CAST: variants seen among roughly 807,000 people sequenced by gnomAD.
CAST encodes the protein MIR583 host.
CAST carries 76 observed loss-of-function variants against 119.6 expected under a neutral mutation model. The observed-to-expected ratio is 0.64, with a 90% CI of 0.53 to 0.77. The LOEUF is 0.77. CAST is among the 30% of genes least tolerant of loss of function. The probability of loss-of-function intolerance (pLI) is 0.00; values close to 1 mark genes in which losing one functional copy is unlikely to be tolerated. For synonymous variants in CAST, 319 were observed against 331.6 expected (o/e 0.96, Z 0.41); for missense variants, 953 against 946.5 (o/e 1.01, Z -0.09).
At chr5:96,162,410 ATTGTTTGTTTGT>A in the CAST span, among the ~76,000 whole-genome samples, 10 of 151,902 alleles carry the variant, frequency 6.6e-5, no homozygotes, top group African/African-American at 2.4e-4. Flanking sequence ...GGGATGGTAT[ATTGTTTGTTTGT>A]TTGTTTGTTT....
At chr5:96,702,979 C>T (rs941864858) in intron 3 of CAST, 1 of 978,810 alleles carries the variant, frequency 1.0e-6, no homozygotes. Context: ...GGGCCTGTGC[C>T]CCCGGCTACC....
intron 2 of CAST, among the ~76,000 whole-genome samples, chr5:96,692,780 A>G (rs1752878886): frequency 6.6e-6 from 1 of 152,192 alleles, no homozygotes; most frequent in South Asian, 2.1e-4. Context: ...CTCTGAAGTC[A>G]TCTTGTTTTT....
chr5:96,304,522 C>T, the CAST span, among the ~76,000 whole-genome samples: 3 of 152,142 alleles, frequency 2.0e-5, 1 homozygote, highest in Admixed American at 1.3e-4. Context: ...GAAGTCTTTA[C>T]CCATGCCTAT....
chr5:96,555,691 A>T (rs998388027), intron 1 of CAST, among the ~76,000 whole-genome samples: 1 of 152,202 alleles, frequency 6.6e-6, no homozygotes, highest in African/African-American at 2.4e-5. Flanking sequence ...GGTGCCCGCC[A>T]TTGCCGAGGC....
intron 16 of CAST, 57 bp downstream of exon 16, chr5:96,742,813 A>T: frequency 8.7e-7 from 1 of 1,147,192 alleles, no homozygotes; most frequent in Non-Finnish European, 1.3e-6. Context: ...ACAAAACCGA[A>T]TGCACTCTGC....
At position 96,754,084 on chromosome 5, in the gene CAST, G is replaced by A. The variant is rs746892374; in HGVS notation, c.1549G>A (p.Val517Ile). Residue 517 changes from valine to isoleucine, a missense_variant, in exon 21 of 32, where the codon GTA becomes ATA. Transcript: ENST00000675179. ...GAAGGGCACAGTGCCAGATGATGCTGTAGAAGCCTTGGCTGATAGCCTGGG... is the reference window on the plus strand; with the variant it reads ...GAAGGGCACAGTGCCAGATGATGCTATAGAAGCCTTGGCTGATAGCCTGGG... ...TLKGTVPDDA[V>I]EALADSLGKK... 4 of 1,613,374 alleles carry A rather than the reference G, an allele frequency of 2.5e-6. No individual in the cohort carries two copies. The highest frequency in any genetic ancestry group is 2.2e-5 in the East Asian group (1 of 44,878).
At chr5:96,768,200 T>C (rs1476411990) in intron 29 of CAST, among the ~76,000 whole-genome samples, 1 of 152,048 alleles carries the variant, frequency 6.6e-6, no homozygotes, top group Non-Finnish European at 1.5e-5. Context: ...CCTCCTACCT[T>C]AGCTTCCTGA....
At chr5:95,999,550 C>T in the CAST span, among the ~76,000 whole-genome samples, 1 of 152,038 alleles carries the variant, frequency 6.6e-6, no homozygotes, top group African/African-American at 2.4e-5. Context: ...CGCTGTGTTT[C>T]CTAGGCTGGT....
chr5:96,375,277 G>A, the CAST span, among the ~76,000 whole-genome samples: 1 of 152,150 alleles, frequency 6.6e-6, no homozygotes, highest in Admixed American at 6.5e-5. Context: ...ATAAAGGAAT[G>A]TTTTGTCAAC....
intron 1 of CAST, among the ~76,000 whole-genome samples, chr5:96,648,497 A>T (rs1011424768): frequency 6.6e-6 from 1 of 152,168 alleles, no homozygotes; most frequent in African/African-American, 2.4e-5. Flanking sequence ...ATATCTGTAT[A>T]TTTAAGTTTC....
chr5:96,101,211 G>A, the CAST span, among the ~76,000 whole-genome samples: 1 of 152,002 alleles, frequency 6.6e-6, no homozygotes, highest in East Asian at 1.9e-4. Flanking sequence ...CTGGCCATTT[G>A]TTTTATTTGT....
In CAST at chr5:96,722,719, G is replaced by A. The variant is rs1315846301; in HGVS notation, c.270+21G>A. On this transcript the variant is annotated intron_variant, in intron 4 of 31. Coordinates refer to ENST00000675179, the MANE Select transcript of CAST (RefSeq NM_001750.7). ...CCAAGGTATGAAGAATGCTAATTGA[G>A]TGAGTGCTAATTTAAGTTGATTGTG... 4 of 1,567,334 alleles carry A rather than the reference G, an allele frequency of 2.6e-6. No homozygotes were observed. In the African/African-American group the frequency reaches 5.4e-5, roughly 21 times the overall value.
chr5:96,155,832 C>T, the CAST span, among the ~76,000 whole-genome samples: 1 of 152,154 alleles, frequency 6.6e-6, no homozygotes, highest in Non-Finnish European at 1.5e-5. Flanking sequence ...CTGCAACTTG[C>T]TTCTACCCAG....
At chr5:96,555,653 T>C (rs1746224175) in intron 1 of CAST, among the ~76,000 whole-genome samples, 1 of 152,158 alleles carries the variant, frequency 6.6e-6, no homozygotes, top group African/African-American at 2.4e-5. Context: ...GAGATCTAAC[T>C]GCAAGGCGGC....
the CAST span, among the ~76,000 whole-genome samples, chr5:96,277,549 A>G: frequency 3.3e-5 from 5 of 152,068 alleles, no homozygotes; most frequent in East Asian, 9.6e-4. Context: ...AAGGATGACT[A>G]AATAAATATT....
chr5:96,017,645 TTGTC>T, the CAST span, among the ~76,000 whole-genome samples: 143 of 152,298 alleles, frequency 9.4e-4, 1 homozygote, highest in African/African-American at 3.4e-3. Flanking sequence ...CAGTAAATCT[TTGTC>T]TGGGGGCACA....
chr5:96,137,610 C>A, the CAST span, among the ~76,000 whole-genome samples: 1 of 152,090 alleles, frequency 6.6e-6, no homozygotes, highest in Non-Finnish European at 1.5e-5. Context: ...TTGTACCCAT[C>A]AGCAATGAAT....
the CAST span, among the ~76,000 whole-genome samples, chr5:96,177,596 G>C: frequency 0.032 from 4,829 of 152,272 alleles, 263 homozygotes; most frequent in African/African-American, 0.11. Flanking sequence ...TCAGCAGTTT[G>C]AAAATAGCCA....
chr5:96,057,034 T>C, the CAST span, among the ~76,000 whole-genome samples: 2 of 152,138 alleles, frequency 1.3e-5, no homozygotes, highest in East Asian at 3.9e-4. Context: ...GCTACATGGT[T>C]GGATAACTTT....
Sources: gnomAD v4.1 joint callset for allele counts (sites outside exome capture counted in the v4.1 genomes callset) on GRCh38, gnomAD v4.1.1 for gene constraint, MANE v1.5 for transcripts, NCBI Gene and HGNC (gene_info 2026-07-23, HGNC 2026-07-21) for gene names.